The following PDE4D variants were observed in gnomAD, a reference collection of about 807,000 sequenced individuals.
PDE4D encodes the protein 3',5'-cyclic-AMP phosphodiesterase 4D.
In PDE4D, 24 loss-of-function variants were observed where a neutral mutation model predicts 87.4. The ratio of observed to expected loss-of-function variants is 0.27; its 90% CI spans 0.20 to 0.39. The LOEUF is 0.39. Ranked by LOEUF, PDE4D falls within the 10% of genes least tolerant of loss-of-function variation. The probability of loss-of-function intolerance (pLI) is 1.00; values close to 1 mark genes in which losing one functional copy is unlikely to be tolerated. For missense variants in PDE4D, 714 were observed against 1,041.0 expected (o/e 0.69, Z 4.32); for synonymous variants, 384 against 383.2 (o/e 1.00, Z -0.02).
intron 1 of PDE4D, among the ~76,000 whole-genome samples, chr5:59,782,316 T>C (rs1764716657): frequency 6.6e-6 from 1 of 152,224 alleles, no homozygotes; most frequent in South Asian, 2.1e-4. Flanking sequence ...GATACAAGTA[T>C]TGCTAATATC....
chr5:60,149,205 G>A (rs1356279062), intron 2 of PDE4D, among the ~76,000 whole-genome samples: 2 of 152,150 alleles, frequency 1.3e-5, no homozygotes, highest in Non-Finnish European at 2.9e-5. Context: ...TATAGGTTGA[G>A]TAACTTACAA....
intron 1 of PDE4D, among the ~76,000 whole-genome samples, chr5:60,479,831 A>G (rs901304451): frequency 2.0e-5 from 3 of 152,308 alleles, no homozygotes; most frequent in African/African-American, 7.2e-5. Context: ...CCCAGAAGGA[A>G]AAAATGCAGT....
At chr5:59,550,033 T>C (rs1261405062) in intron 1 of PDE4D, among the ~76,000 whole-genome samples, 1 of 151,986 alleles carries the variant, frequency 6.6e-6, no homozygotes, top group African/African-American at 2.4e-5. Flanking sequence ...ATCTATGTGC[T>C]GAAAACCACC....
chr5:59,376,071 G>C (rs1023130267), intron 1 of PDE4D, among the ~76,000 whole-genome samples: 4 of 152,166 alleles, frequency 2.6e-5, no homozygotes, highest in African/African-American at 9.7e-5. Context: ...TATACCCACA[G>C]TCAACATCAT....
rs78162040 is a variant in PDE4D at position 59,192,611 on chromosome 5, T to G, written c.684+889A>C. ...AGCACCTTGATGTATGATATAGGCC[T>G]GATTATAATTTTTACAACCTCTCAG... On this transcript the variant is annotated intron_variant, in intron 3 of 14. Transcript: ENST00000340635. Among the ~76,000 whole-genome samples, 374 of 152,336 alleles carry G rather than the reference T, an allele frequency of 2.5e-3. 3 individuals carry two copies. The highest frequency in any genetic ancestry group is 6.9e-3 in the African/African-American group (286 of 41,574).
At chr5:59,849,027 T>G (rs1332617387) in intron 1 of PDE4D, among the ~76,000 whole-genome samples, 1 of 151,974 alleles carries the variant, frequency 6.6e-6, no homozygotes, top group Non-Finnish European at 1.5e-5. Flanking sequence ...CTCGGCGCTG[T>G]GAGGAGGAAG....
At chr5:58,993,183 GTACC>G (rs1748313976) in intron 7 of PDE4D, among the ~76,000 whole-genome samples, 185 bp downstream of exon 7, 1 of 152,078 alleles carries the variant, frequency 6.6e-6, no homozygotes, top group Non-Finnish European at 1.5e-5. Context: ...CTAAGAAAAT[GTACC>G]TTGTCACCTG....
At chr5:59,404,155 AT>A (rs1213610411) in intron 1 of PDE4D, among the ~76,000 whole-genome samples, 1 of 151,958 alleles carries the variant, frequency 6.6e-6, no homozygotes, top group Non-Finnish European at 1.5e-5. Context: ...GGATTATCAG[AT>A]TTTTTTTCCT....
At chr5:60,509,301 T>G (rs1440000176) in intron 1 of PDE4D, among the ~76,000 whole-genome samples, 1 of 152,220 alleles carries the variant, frequency 6.6e-6, no homozygotes, top group Admixed American at 6.5e-5. Flanking sequence ...GCTTACAGCA[T>G]GAGGGCTGAA....
chr5:58,979,827 T>G (rs1228545296), intron 11 of PDE4D, among the ~76,000 whole-genome samples: 2 of 152,184 alleles, frequency 1.3e-5, no homozygotes, highest in Non-Finnish European at 2.9e-5. Flanking sequence ...TGTCTTTATC[T>G]CTACAAATCT....
At chr5:59,860,417 C>A (rs73761022) in intron 1 of PDE4D, among the ~76,000 whole-genome samples, 1,539 of 152,158 alleles carry the variant, frequency 0.01, 31 homozygotes, top group African/African-American at 0.035. Flanking sequence ...CATACATGCA[C>A]CCCACTAAGT....
intron 1 of PDE4D, among the ~76,000 whole-genome samples, chr5:59,668,827 A>AGAGGAAGAGGAAGAGGAAGAG (rs369376803): frequency 5.2e-5 from 4 of 76,904 alleles, no homozygotes; most frequent in Admixed American, 1.4e-4. Flanking sequence ...AAGAAGAAGA[A>AGAGGAAGAGGAAGAGGAAGAG]GAAGAGGAAG....
intron 1 of PDE4D, among the ~76,000 whole-genome samples, chr5:59,301,111 T>C (rs1770162588): frequency 1.3e-5 from 2 of 152,030 alleles, no homozygotes; most frequent in African/African-American, 4.8e-5. Context: ...CTTCTGGGAT[T>C]TTATGGAGGC....
At chr5:60,063,923 G>A (rs1771765696) in intron 2 of PDE4D, among the ~76,000 whole-genome samples, 1 of 151,996 alleles carries the variant, frequency 6.6e-6, no homozygotes, top group African/African-American at 2.4e-5. Flanking sequence ...TTTACTTTAG[G>A]GGTAGGATGG....
chr5:60,432,044 C>G (rs1266751595), intron 1 of PDE4D, among the ~76,000 whole-genome samples: 5 of 151,610 alleles, frequency 3.3e-5, no homozygotes, highest in African/African-American at 1.2e-4. Context: ...TTCAGCTCGG[C>G]ATCAGAGGGA....
intron 1 of PDE4D, among the ~76,000 whole-genome samples, chr5:59,771,462 A>AGAGAGAGAG (rs1491353054): frequency 3.8e-5 from 3 of 78,730 alleles, no homozygotes; most frequent in African/African-American, 1.7e-4. Context: ...AGAAAGAAAG[A>AGAGAGAGAG]AAGAAAGAAA....
chr5:58,990,932 A>C, intron 8 of PDE4D, 30 bp from the exon 9 acceptor site: 1 of 1,211,798 alleles, frequency 8.3e-7, no homozygotes, highest in Non-Finnish European at 1.2e-6. Flanking sequence ...AAGATACTAA[A>C]ATATTAGAAA....
At chr5:60,003,229 A>G (rs1764166408) in intron 2 of PDE4D, among the ~76,000 whole-genome samples, 1 of 152,192 alleles carries the variant, frequency 6.6e-6, no homozygotes, top group African/African-American at 2.4e-5. Flanking sequence ...TAAAGACATT[A>G]ATGAAAATGA....
At chr5:60,396,511 T>C (rs971778086) in intron 1 of PDE4D, among the ~76,000 whole-genome samples, 4 of 152,196 alleles carry the variant, frequency 2.6e-5, no homozygotes, top group Non-Finnish European at 4.4e-5. Flanking sequence ...TTAACTCCTT[T>C]TTTTTATTCT....
Sources: allele counts gnomAD v4.1 joint callset (sites outside exome capture counted in the v4.1 genomes callset), GRCh38; gene constraint gnomAD v4.1.1; transcripts MANE v1.5; gene names NCBI Gene and HGNC (gene_info 2026-07-23, HGNC 2026-07-21).